GCNT4: variants seen among roughly 807,000 people sequenced by gnomAD.
GCNT4 encodes the protein beta-1,3-galactosyl-O-glycosyl-glycoprotein beta-1,6-N-acetylglucosaminyltransferase 4.
GCNT4 carries 17 observed loss-of-function variants against 31.3 expected under a neutral mutation model. That is an observed-to-expected ratio of 0.54 (90% CI 0.37 to 0.81). The LOEUF (loss-of-function observed/expected upper bound fraction) is 0.81, where lower values mean the gene tolerates loss of function less well. Ranked by LOEUF, GCNT4 falls within the 40% of genes least tolerant of loss-of-function variation. The pLI is 0.00. For synonymous variants in GCNT4, 158 were observed against 190.6 expected (o/e 0.83, Z 1.41); for missense variants, 503 against 525.5 (o/e 0.96, Z 0.42).
the GCNT4 span, among the ~76,000 whole-genome samples, chr5:75,017,241 T>G: frequency 1.3e-5 from 2 of 152,180 alleles, no homozygotes; most frequent in Non-Finnish European, 2.9e-5. Flanking sequence ...AAGCCACAGC[T>G]TTTTTCCCCT....
In GCNT4 at chr5:75,029,646, A is replaced by G. The variant is rs1361119802; in HGVS notation, c.392T>C (p.Phe131Ser). Residue 131 changes from phenylalanine (F) to serine (S), a missense_variant, in exon 4 of 4, where the codon TTC becomes TCC. Physicochemically the swap from Phe to Ser is radical, Grantham distance 155. Coordinates refer to ENST00000652361, the MANE Select transcript of GCNT4 (RefSeq NM_001366737.1). ...QKLVSKEEKS[F>S]PIAYSLVVHK... is the part of the protein sequence containing the mutation. ...GACAACCAAAGAATAGGCTATTGGG[A>G]AGCTTTTCTCCTCCTTTGAGACAAG... 1 of 1,614,116 alleles carries G rather than the reference A, an allele frequency of 6.2e-7. No homozygotes were observed. The highest frequency in any genetic ancestry group is 8.5e-7 in the Non-Finnish European group (1 of 1,180,024).
intron 3 of GCNT4, among the ~76,000 whole-genome samples, chr5:75,039,986 A>G (rs1302517429): frequency 6.6e-6 from 1 of 152,248 alleles, no homozygotes. Context: ...CTACGAGTTC[A>G]TCTTATTCTA....
downstream of GCNT4, among the ~76,000 whole-genome samples, chr5:75,021,489 T>C (rs1269354761): frequency 2.6e-5 from 4 of 152,160 alleles, no homozygotes; most frequent in Non-Finnish European, 4.4e-5. Flanking sequence ...CTCTTTGTGC[T>C]CTGAAGATTC....
intron 3 of GCNT4, among the ~76,000 whole-genome samples, chr5:75,037,436 A>G (rs1165326073): frequency 6.6e-6 from 1 of 152,260 alleles, no homozygotes; most frequent in African/African-American, 2.4e-5. Flanking sequence ...GCAGGTAAAC[A>G]TACCAACTAT....
rs1360739109 is a variant in GCNT4 at position 75,028,751 on chromosome 5, T to A, written c.1287A>T (p.Glu429Asp). ...ILIKCLAEKL[E>D]EQQRDWITLP... ...AAGTGATCCAGTCTCTCTGCTGTTC[T>A]TCAAGCTTTTCTGCCAAGCATTTAA... The change falls in exon 4 of 4, where the codon GAA becomes GAT. Residue 429 changes from glutamate to aspartate, a missense_variant. Transcript: ENST00000652361. 1 of 1,613,950 alleles carries A rather than the reference T, an allele frequency of 6.2e-7. No homozygotes were observed. Among genetic ancestry groups the A allele is most frequent in the Non-Finnish European group, 8.5e-7 (1 of 1,180,002 alleles).
chr5:75,032,324 G>A (rs1254098208), intron 3 of GCNT4, among the ~76,000 whole-genome samples: 1 of 152,140 alleles, frequency 6.6e-6, no homozygotes, highest in South Asian at 2.1e-4. Flanking sequence ...AAGCCTCAGA[G>A]GTGGACCTGC....
Position 75,037,483 on chromosome 5 carries a change from C to T in GCNT4, c.-1-7445G>A, listed in dbSNP as rs186883744. On this transcript the variant is annotated intron_variant, in intron 3 of 3. Coordinates refer to ENST00000652361, the MANE Select transcript of GCNT4 (RefSeq NM_001366737.1). Reference sequence around the variant, plus strand: ...GGAGACGTATGACTCGGTCAGAAATCCAATACAAATTGAGGACAAGCATTT... The same window carrying T: ...GGAGACGTATGACTCGGTCAGAAATTCAATACAAATTGAGGACAAGCATTT... Among the ~76,000 whole-genome samples the T allele has an allele frequency of 2.0e-5, 3 of 152,244 alleles. No individual in the cohort carries two copies. The East Asian group carries it at 5.8e-4, about 29-fold the overall frequency.
intron 3 of GCNT4, among the ~76,000 whole-genome samples, chr5:75,044,529 T>G (rs556454066): frequency 7.1e-4 from 108 of 151,896 alleles, no homozygotes; most frequent in Non-Finnish European, 1.2e-3. Flanking sequence ...CTAAATGAGC[T>G]AATGCACTGG....
At chr5:75,044,888 G>T (rs78763504) in intron 3 of GCNT4, among the ~76,000 whole-genome samples, 1 of 152,236 alleles carries the variant, frequency 6.6e-6, no homozygotes, top group South Asian at 2.1e-4. Flanking sequence ...GAATCATAGG[G>T]ATAATGGGGA....
At chr5:75,052,890 G>C (rs71627080), upstream of GCNT4, 2 of 152,594 alleles carry the variant, frequency 1.3e-5, no homozygotes, top group East Asian at 3.9e-4. Flanking sequence ...GCGCGGGCCA[G>C]GCTGGGCGGC....
intron 3 of GCNT4, among the ~76,000 whole-genome samples, chr5:75,045,421 G>T (rs1743415725): frequency 6.6e-6 from 1 of 152,152 alleles, no homozygotes; most frequent in South Asian, 2.1e-4. Context: ...TACTTAACAT[G>T]TCTTCGAGGT....
intron 3 of GCNT4, among the ~76,000 whole-genome samples, chr5:75,037,546 G>T (rs1197518741): frequency 6.6e-6 from 1 of 152,162 alleles, no homozygotes; most frequent in Non-Finnish European, 1.5e-5. Flanking sequence ...AAAAGGAAAA[G>T]ATTTTCTATT....
rs753800575 is a variant in GCNT4 at position 75,044,037 on chromosome 5, G to A, written c.-2+3860C>T. Among the ~76,000 whole-genome samples, 5 of 152,102 alleles carry A rather than the reference G, an allele frequency of 3.3e-5. No individual in the cohort carries two copies. The South Asian group carries it at 6.2e-4, about 19-fold the overall frequency. On this transcript the variant is annotated intron_variant, in intron 3 of 3. Transcript: ENST00000652361. Reference sequence around the variant, plus strand: ...AAGAACTGTGCAGTCTGCTCGCCACGCCTCAGTTAAGCACTCTTCAGCTGA... The same window carrying A: ...AAGAACTGTGCAGTCTGCTCGCCACACCTCAGTTAAGCACTCTTCAGCTGA...
chr5:75,039,246 C>A (rs7734055), intron 3 of GCNT4, among the ~76,000 whole-genome samples: 4 of 151,892 alleles, frequency 2.6e-5, no homozygotes, highest in Non-Finnish European at 5.9e-5. Context: ...CCCACCACCA[C>A]GCCTGGCTAA....
chr5:75,026,462 G>C lies in GCNT4; in HGVS notation c.*2214C>G, dbSNP rs933455589. The C allele has an allele frequency of 6.6e-6, 1 of 152,064 alleles. No homozygotes were observed. Among genetic ancestry groups the C allele is most frequent in the Non-Finnish European group, 1.5e-5 (1 of 68,016 alleles). 9.4% of individuals were successfully genotyped at this position (152,064 alleles called of 1,614,324 possible). On this transcript the variant is annotated 3_prime_UTR_variant, in exon 4 of 4. Transcript: ENST00000652361. ...CTCAGATCTGGATTTGGTTACAGAA[G>C]TTGCCCCTGTGACTGGGGACTCTCT...
At chr5:75,036,562 CTA>C (rs1333517476) in intron 3 of GCNT4, among the ~76,000 whole-genome samples, 2 of 152,200 alleles carry the variant, frequency 1.3e-5, no homozygotes, top group African/African-American at 4.8e-5. Context: ...TTTCTCATTA[CTA>C]TGTCTTCTCT....
intron 3 of GCNT4, among the ~76,000 whole-genome samples, chr5:75,038,174 G>A (rs896468789): frequency 1.3e-5 from 2 of 151,956 alleles, no homozygotes; most frequent in South Asian, 4.1e-4. Flanking sequence ...CCTAAACTGG[G>A]TCTGTAAATT....
At chr5:75,043,469 T>C (rs1364757685) in intron 3 of GCNT4, among the ~76,000 whole-genome samples, 1 of 152,164 alleles carries the variant, frequency 6.6e-6, no homozygotes, top group Non-Finnish European at 1.5e-5. Flanking sequence ...AGGAATAAAA[T>C]ATAATGTGGG....
chr5:75,033,305 G>A (rs1390510771), intron 3 of GCNT4, among the ~76,000 whole-genome samples: 1 of 152,224 alleles, frequency 6.6e-6, no homozygotes, highest in Non-Finnish European at 1.5e-5. Flanking sequence ...GAGAGTCTGA[G>A]CTGGGCAGGA....
Sources: allele counts gnomAD v4.1 joint callset (sites outside exome capture counted in the v4.1 genomes callset), GRCh38; gene constraint gnomAD v4.1.1; transcripts MANE v1.5; gene names NCBI Gene and HGNC (gene_info 2026-07-23, HGNC 2026-07-21).